The following GPIHBP1 variants were observed in gnomAD, a reference collection of about 807,000 sequenced individuals.
GPIHBP1 encodes glycosylphosphatidylinositol anchored high density lipoprotein binding protein 1, also known as glycosylphosphatidylinositol-anchored high density lipoprotein-binding protein 1.
A neutral mutation model predicts 13.0 loss-of-function variants in GPIHBP1; 11 were observed. That is an observed-to-expected ratio of 0.84 (90% CI 0.53 to 1.40). The LOEUF (loss-of-function observed/expected upper bound fraction) is 1.40. Among genes scored for constraint, GPIHBP1 ranks in the 40% most tolerant of loss-of-function variants. GPIHBP1 has a pLI of 0.00. For missense variants in GPIHBP1, 231 were observed against 241.1 expected, an observed-to-expected ratio of 0.96 and a Z score of 0.28; for synonymous variants, 106 against 102.2, an observed-to-expected ratio of 1.04 and a Z score of -0.22.
Position 143,214,610 on chromosome 8 carries a change from A to C in GPIHBP1, c.182-403A>C. Among the ~76,000 whole-genome samples the C allele has an allele frequency of 6.7e-6, 1 of 148,894 alleles. No homozygotes were observed. The highest frequency in any genetic ancestry group is 2.5e-5 in the African/African-American group (1 of 40,092). ...AGCCCACCCCCCTCCCAGGAGCCCC[A>C]AGCCTGCCCTCAGCACGAGCCCTGC... On this transcript the variant is annotated intron_variant, in intron 2 of 3. Coordinates refer to ENST00000622500, the MANE Select transcript of GPIHBP1 (RefSeq NM_178172.6). This position sits in a 1 kb window ranked among gnomAD's most constrained non-coding sequence, Gnocchi z 4.1.
intron 1 of GPIHBP1, 53 bp downstream of exon 1, chr8:143,213,372 A>G (rs990497979): frequency 2.1e-5 from 30 of 1,453,724 alleles, no homozygotes; most frequent in African/African-American, 2.7e-5. Flanking sequence ...GCAGTCCTGG[A>G]GCACAGGGAC....
rs1816304477 is a variant in GPIHBP1, at chr8:143,216,069, G to A, written c.*551G>A. 6.5e-6 allele frequency: 1 copy of A among 153,354 alleles called. No individual in the cohort carries two copies. Among genetic ancestry groups the A allele is most frequent in the East Asian group, 1.9e-4 (1 of 5,160 alleles). The allele number at this position is 153,354 out of a possible 1,614,324, so 9.5% of individuals were successfully genotyped here. A position where few individuals can be genotyped will look rare whatever the true frequency, so the allele number is the denominator to read the frequency against. On this transcript the variant is annotated 3_prime_UTR_variant, in exon 4 of 4. Coordinates refer to ENST00000622500, the MANE Select transcript of GPIHBP1 (RefSeq NM_178172.6). ...GCTGAGGATGAGAGGGCACAGGGAG[G>A]TGGGTTGGGGTGAGGCCACATGCGG...
In GPIHBP1 at chr8:143,214,038, A is replaced by C; in HGVS notation, c.181+88A>C. ...TGTGTGATGGAAGCCAGCAGGCCAC[A>C]GTCCTGCTGTGAGCTTGCCTCCAGC... On this transcript the variant is annotated intron_variant, in intron 2 of 3. Transcript: ENST00000622500. The surrounding 1 kb of genome is among the most constrained non-coding windows in gnomAD (Gnocchi z 4.1). The C allele has an allele frequency of 6.6e-7, 1 of 1,510,338 alleles. No homozygotes were observed. Among genetic ancestry groups the C allele is most frequent in the Non-Finnish European group, 9.0e-7 (1 of 1,115,426 alleles). The allele number at this position is 1,510,338 out of a possible 1,614,324, so 93.6% of individuals were successfully genotyped here. A position where few individuals can be genotyped will look rare whatever the true frequency, so the allele number is the denominator to read the frequency against.
Position 143,214,869 on chromosome 8 carries a change from G to C in GPIHBP1, c.182-144G>C. On this transcript the variant is annotated intron_variant, in intron 2 of 3. Transcript: ENST00000622500. This position sits in a 1 kb window ranked among gnomAD's most constrained non-coding sequence, Gnocchi z 4.1. ...AGCACAGCTTACAGGACCAAGTCAG[G>C]GGTCGCCCGCCCATCTGAGCAGTGG... The C allele has an allele frequency of 3.1e-6, 2 of 639,138 alleles. No homozygotes were observed. Among genetic ancestry groups the C allele is most frequent in the Non-Finnish European group, 5.6e-6 (2 of 356,512 alleles). The allele number at this position is 639,138 out of a possible 1,614,324, so 39.6% of individuals were successfully genotyped here.
At position 143,214,608 on chromosome 8, in the gene GPIHBP1, C is replaced by T. The variant is rs1288122693; in HGVS notation, c.182-405C>T. Among the ~76,000 whole-genome samples, 1 of 151,992 alleles carries T rather than the reference C, an allele frequency of 6.6e-6. No individual in the cohort carries two copies. Among genetic ancestry groups the T allele is most frequent in the Non-Finnish European group, 1.5e-5 (1 of 67,966 alleles). ...ACAGCCCACCCCCCTCCCAGGAGCC[C>T]CAAGCCTGCCCTCAGCACGAGCCCT... On this transcript the variant is annotated intron_variant, in intron 2 of 3. Transcript: ENST00000622500. This position sits in a 1 kb window ranked among gnomAD's most constrained non-coding sequence, Gnocchi z 4.1.
Position 143,215,763 on chromosome 8 carries a change from C to T in GPIHBP1, c.*245C>T. 3.5e-6 allele frequency: 2 copies of T among 577,566 alleles called. No homozygotes were observed. The highest frequency in any genetic ancestry group is 3.1e-5 in the Admixed American group (1 of 32,626). 35.8% of individuals were successfully genotyped at this position (577,566 alleles called of 1,614,324 possible). A position where few individuals can be genotyped will look rare whatever the true frequency, so the allele number is the denominator to read the frequency against. ...CGTGGGCGCTGGGTCCAGACCTCGG[C>T]TGCCACGCCCCAGGACCTGCAGCCC... On this transcript the variant is annotated 3_prime_UTR_variant, in exon 4 of 4. Coordinates refer to ENST00000622500, the MANE Select transcript of GPIHBP1 (RefSeq NM_178172.6).
Position 143,213,875 on chromosome 8 carries a change from G to C in GPIHBP1, c.106G>C (p.Asp36His), listed in dbSNP as rs1486572086. ...GGAAGAGGACGAGGACCACGGGCCAGATGACTACGACGAGGAAGATGAGGA... is the reference window on the plus strand; with the variant it reads ...GGAAGAGGACGAGGACCACGGGCCACATGACTACGACGAGGAAGATGAGGA... ...EEEEDEDHGP[D>H]DYDEEDEDEV... The change falls in exon 2 of 4, where the codon GAT (aspartate) becomes CAT (histidine). Residue 36 changes from aspartate (D) to histidine (H), a missense_variant. By Grantham distance (81) the Asp-to-His change is moderately conservative. Transcript: ENST00000622500. 2 of 1,553,740 alleles carry C rather than the reference G, an allele frequency of 1.3e-6. No individual in the cohort carries two copies. Among genetic ancestry groups the C allele is most frequent in the Non-Finnish European group, 1.7e-6 (2 of 1,148,280 alleles).
In GPIHBP1 at chr8:143,215,334, C is replaced by T. The variant is rs1816288621; in HGVS notation, c.371C>T (p.Thr124Ile). The T allele has an allele frequency of 1.2e-6, 2 of 1,612,766 alleles. No individual in the cohort carries two copies. The highest frequency in any genetic ancestry group is 1.7e-6 in the Non-Finnish European group (2 of 1,180,014). The change falls in exon 4 of 4, where the codon ACC (threonine) becomes ATC (isoleucine). Residue 124 changes from threonine to isoleucine, a missense_variant. Coordinates refer to ENST00000622500, the MANE Select transcript of GPIHBP1 (RefSeq NM_178172.6). ...CCCATCACCAAGACGGTGGAGGGGA[C>T]CCAGGTGACCATGACCTGCTGCCAG... ...CQPITKTVEG[T>I]QVTMTCCQSS...
Position 143,215,793 on chromosome 8 carries a change from G to A in GPIHBP1, c.*275G>A, listed in dbSNP as rs183096173. On this transcript the variant is annotated 3_prime_UTR_variant, in exon 4 of 4. Transcript: ENST00000622500. ...ACGCCCCAGGACCTGCAGCCCTCAT[G>A]GGGGCTGGGGATCCCCATCAGCACA... The A allele has an allele frequency of 0.021, 11,513 of 537,666 alleles. 168 individuals are homozygous for A. The highest frequency in any genetic ancestry group is 0.027 in the Non-Finnish European group (8,280 of 301,182). 33.3% of individuals were successfully genotyped at this position (537,666 alleles called of 1,614,324 possible).
rs1816262735 is a variant in GPIHBP1, at chr8:143,214,011, G to T, written c.181+61G>T. ...ATCTGCCTGGAGCATTCTGGGCGGG[G>T]CTGTGTGATGGAAGCCAGCAGGCCA... On this transcript the variant is annotated intron_variant, in intron 2 of 3. Coordinates refer to ENST00000622500, the MANE Select transcript of GPIHBP1 (RefSeq NM_178172.6). The surrounding 1 kb of genome is among the most constrained non-coding windows in gnomAD (Gnocchi z 4.1). The T allele has an allele frequency of 1.3e-6, 2 of 1,544,020 alleles. No individual in the cohort carries two copies. Among genetic ancestry groups the T allele is most frequent in the South Asian group, 1.2e-5 (1 of 83,524 alleles).
At chr8:143,213,445 A>G in intron 1 of GPIHBP1, 126 bp downstream of exon 1, 1 of 828,442 alleles carries the variant, frequency 1.2e-6, no homozygotes, top group Non-Finnish European at 1.9e-6. Flanking sequence ...TCCCCAGCCC[A>G]GAGCAGCATG....
Position 143,215,563 on chromosome 8 carries a change from C to CCAG in GPIHBP1, c.*48_*50dup, listed in dbSNP as rs1563713451. On this transcript the variant is annotated 3_prime_UTR_variant, in exon 4 of 4. Coordinates refer to ENST00000622500, the MANE Select transcript of GPIHBP1 (RefSeq NM_178172.6). ...CCCACCCGGCTCACCCCCGGCCCTG[C>CCAG]CAGCACTCTGTCTGGTACCTTCCCC... The CCAG allele has an allele frequency of 6.8e-7, 1 of 1,460,832 alleles. No homozygotes were observed. Among genetic ancestry groups the CCAG allele is most frequent in the Admixed American group, 2.0e-5 (1 of 49,924 alleles). 90.5% of individuals were successfully genotyped at this position (1,460,832 alleles called of 1,614,324 possible).
Position 143,215,257 on chromosome 8 carries a change from A to G in GPIHBP1, c.296-2A>G. 3 of 1,612,920 alleles carry G rather than the reference A, an allele frequency of 1.9e-6. No individual in the cohort carries two copies. Among genetic ancestry groups the G allele is most frequent in the Admixed American group, 1.7e-5 (1 of 60,026 alleles). ...GCACTTGTTCCCCACTCCCCTTCCC[A>G]GAGTCAGGCCTCCTGACCACCCACT... On this transcript the variant is annotated splice_acceptor_variant, in intron 3 of 3. Coordinates refer to ENST00000622500, the MANE Select transcript of GPIHBP1 (RefSeq NM_178172.6). LOFTEE classifies it high-confidence loss of function.
Position 143,214,037 on chromosome 8 carries a change from C to A in GPIHBP1, c.181+87C>A. On this transcript the variant is annotated intron_variant, in intron 2 of 3. Transcript: ENST00000622500. This position sits in a 1 kb window ranked among gnomAD's most constrained non-coding sequence, Gnocchi z 4.1. ...CTGTGTGATGGAAGCCAGCAGGCCACAGTCCTGCTGTGAGCTTGCCTCCAG... is the reference window on the plus strand; with the variant it reads ...CTGTGTGATGGAAGCCAGCAGGCCAAAGTCCTGCTGTGAGCTTGCCTCCAG... 1 of 1,512,908 alleles carries A rather than the reference C, an allele frequency of 6.6e-7. No individual in the cohort carries two copies. Among genetic ancestry groups the A allele is most frequent in the Non-Finnish European group, 8.9e-7 (1 of 1,117,764 alleles). The allele number at this position is 1,512,908 out of a possible 1,614,324, so 93.7% of individuals were successfully genotyped here. A position where few individuals can be genotyped will look rare whatever the true frequency, so the allele number is the denominator to read the frequency against.
Position 143,215,295 on chromosome 8 carries a change from C to A in GPIHBP1, c.332C>A (p.Thr111Lys). The A allele has an allele frequency of 6.2e-7, 1 of 1,612,956 alleles. No individual in the cohort carries two copies. Among genetic ancestry groups the A allele is most frequent in the East Asian group, 2.2e-5 (1 of 44,880 alleles). The change falls in exon 4 of 4, where the codon ACA (threonine) becomes AAA (lysine). Residue 111 changes from threonine (T) to lysine (K), a missense_variant. Physicochemically the swap from Thr to Lys is moderately conservative, Grantham distance 78. Transcript: ENST00000622500. ...GLLTTHSTWC[T>K]DSCQPITKTV... ...CTGACCACCCACTCCACGTGGTGCA[C>A]AGACAGCTGCCAGCCCATCACCAAG...
chr8:143,213,229 G>A lies in GPIHBP1; in HGVS notation c.-39G>A. ...CTTACCGCAGCTCCAGAGCCCTGCG[G>A]GAGGACTCAGAGTCAGGGACACAGC... On this transcript the variant is annotated 5_prime_UTR_variant, in exon 1 of 4. Transcript: ENST00000622500. 1 of 1,570,898 alleles carries A rather than the reference G, an allele frequency of 6.4e-7. No homozygotes were observed. The highest frequency in any genetic ancestry group is 8.6e-7 in the Non-Finnish European group (1 of 1,160,034).
In GPIHBP1 at chr8:143,214,077, C is replaced by T. The variant is rs1816263766; in HGVS notation, c.181+127C>T. 8.3e-7 allele frequency: 1 copy of T among 1,209,542 alleles called. No homozygotes were observed. The highest frequency in any genetic ancestry group is 1.2e-6 in the Non-Finnish European group (1 of 846,450). 74.9% of individuals were successfully genotyped at this position (1,209,542 alleles called of 1,614,324 possible). Reference sequence around the variant, plus strand: ...CTTGCCTCCAGCAGAGTGGGGGACACTCAGTACACCCCTCACTGCTGCTCA... The same window carrying T: ...CTTGCCTCCAGCAGAGTGGGGGACATTCAGTACACCCCTCACTGCTGCTCA... On this transcript the variant is annotated intron_variant, in intron 2 of 3. Transcript: ENST00000622500. The surrounding 1 kb of genome is among the most constrained non-coding windows in gnomAD (Gnocchi z 4.1).
rs1300685456 is a variant in GPIHBP1, at chr8:143,215,024, T to C, written c.193T>C (p.Cys65Arg). Residue 65 changes from cysteine to arginine, a missense_variant, in exon 3 of 4, where the codon TGC becomes CGC. Cys to Arg is a radical substitution (Grantham distance 180, BLOSUM62 -3). Coordinates refer to ENST00000622500, the MANE Select transcript of GPIHBP1 (RefSeq NM_178172.6). Reference sequence around the variant, plus strand: ...CGCCTTGTCCCCAGTGCTGCTGCGGTGCTACACCTGCAAGTCCCTGCCCAG... The same window carrying C: ...CGCCTTGTCCCCAGTGCTGCTGCGGCGCTACACCTGCAAGTCCCTGCCCAG... ...PGGRSRVLLR[C>R]YTCKSLPRDE... 1 of 1,577,542 alleles carries C rather than the reference T, an allele frequency of 6.3e-7. No homozygotes were observed.
chr8:143,215,299 C>T lies in GPIHBP1; in HGVS notation c.336C>T (p.Asp112=). ...CCACCCACTCCACGTGGTGCACAGA[C>T]AGCTGCCAGCCCATCACCAAGACGG... The part of the protein sequence containing the change: ...LLTTHSTWCT[D]SCQPITKTVE... The change falls in exon 4 of 4, where the codon GAC becomes GAT. Residue 112 remains aspartate, a synonymous_variant. Coordinates refer to ENST00000622500, the MANE Select transcript of GPIHBP1 (RefSeq NM_178172.6). 2 of 1,612,958 alleles carry T rather than the reference C, an allele frequency of 1.2e-6. No homozygotes were observed. The highest frequency in any genetic ancestry group is 1.1e-5 in the South Asian group (1 of 91,090).
Sources: allele counts gnomAD v4.1 joint callset (sites outside exome capture counted in the v4.1 genomes callset), GRCh38; gene constraint gnomAD v4.1.1; non-coding constraint Gnocchi (gnomAD v3.1); transcripts MANE v1.5; gene names NCBI Gene and HGNC (gene_info 2026-07-23, HGNC 2026-07-21).